BCAS3: variants seen among roughly 807,000 people sequenced by gnomAD.
BCAS3 encodes BCAS4/BCAS3 fusion.
In BCAS3, 53 loss-of-function variants were observed where a neutral mutation model predicts 116.1. That is an observed-to-expected ratio of 0.46 (90% CI 0.37 to 0.57). The LOEUF (loss-of-function observed/expected upper bound fraction) is 0.57. Ranked by LOEUF, BCAS3 falls within the 20% of genes least tolerant of loss-of-function variation. The probability of loss-of-function intolerance (pLI) is 0.00; values close to 1 mark genes in which losing one functional copy is unlikely to be tolerated. For missense variants in BCAS3, 917 were observed against 1,165.4 expected, an observed-to-expected ratio of 0.79 and a Z score of 3.10; for synonymous variants, 391 against 408.2, an observed-to-expected ratio of 0.96 and a Z score of 0.51.
intron 22 of BCAS3, among the ~76,000 whole-genome samples, chr17:61,272,636 CAAAAAAAAAA>C (rs373837874): frequency 0.094 from 4,446 of 47,142 alleles, 62 homozygotes; most frequent in South Asian, 0.19. Context: ...AACCCTGTCT[CAAAAAAAAAA>C]AAAAAAAAAA....
intron 14 of BCAS3, among the ~76,000 whole-genome samples, chr17:60,972,035 C>A (rs1416158270): frequency 2.0e-5 from 3 of 152,204 alleles, no homozygotes; most frequent in Non-Finnish European, 4.4e-5. Flanking sequence ...ACATTTTACT[C>A]TTGGAATCCT....
chr17:61,290,446 A>G (rs1302158443), intron 22 of BCAS3, among the ~76,000 whole-genome samples: 1 of 152,236 alleles, frequency 6.6e-6, no homozygotes, highest in Admixed American at 6.5e-5. Flanking sequence ...TATGTTTAAG[A>G]TGTTCATAAT....
intron 6 of BCAS3, among the ~76,000 whole-genome samples, chr17:60,782,420 A>T (rs180689056): frequency 5.9e-5 from 9 of 152,140 alleles, no homozygotes; most frequent in Non-Finnish European, 1.3e-4. Flanking sequence ...CAGAATGTAG[A>T]TTACAAACCA....
At chr17:60,919,685 TA>T (rs1410454482) in intron 12 of BCAS3, among the ~76,000 whole-genome samples, 29 of 151,568 alleles carry the variant, frequency 1.9e-4, no homozygotes, top group African/African-American at 6.5e-4. Flanking sequence ...TTTTTTTTTT[TA>T]AAATAATGAC....
rs375190923 is a variant in BCAS3, at chr17:60,697,053, G to A, written c.214+7292G>A. ...AAATATTAAAAAATTAGCTGGGTAT[G>A]GTGGTATGTCCCTGTAGTCCTACCT... On this transcript the variant is annotated intron_variant, in intron 4 of 23. Transcript: ENST00000407086. Among the ~76,000 whole-genome samples the A allele has an allele frequency of 5.9e-5, 9 of 151,744 alleles. 1 individual carries two copies. The highest frequency in any genetic ancestry group is 5.3e-4 in the Admixed American group (8 of 15,194).
rs564210073 is a variant in BCAS3 at position 61,337,902 on chromosome 17, C to A, written c.2426-30425C>A. 6.6e-6 allele frequency among the ~76,000 whole-genome samples: 1 copy of A among 152,252 alleles called. No individual in the cohort carries two copies. The highest frequency in any genetic ancestry group is 2.4e-5 in the African/African-American group (1 of 41,540). Reference sequence around the variant, plus strand: ...CTATCCCATTTTATAGTTGAGGAAACCAAGGCTCGGTGAGGTAAAGCGCTT... The same window carrying A: ...CTATCCCATTTTATAGTTGAGGAAAACAAGGCTCGGTGAGGTAAAGCGCTT... On this transcript the variant is annotated intron_variant, in intron 22 of 23. Coordinates refer to ENST00000407086, the MANE Select transcript of BCAS3 (RefSeq NM_017679.5). This position sits in a 1 kb window ranked among gnomAD's most constrained non-coding sequence, Gnocchi z 4.8.
At position 61,265,774 on chromosome 17, in the gene BCAS3, A is replaced by G. The variant is rs2049644837; in HGVS notation, c.2426-102553A>G. 6.6e-6 allele frequency among the ~76,000 whole-genome samples: 1 copy of G among 152,164 alleles called. No homozygotes were observed. Among genetic ancestry groups the G allele is most frequent in the Non-Finnish European group, 1.5e-5 (1 of 68,032 alleles). On this transcript the variant is annotated intron_variant, in intron 22 of 23. Coordinates refer to ENST00000407086, the MANE Select transcript of BCAS3 (RefSeq NM_017679.5). The surrounding 1 kb of genome is among the most constrained non-coding windows in gnomAD (Gnocchi z 4.3). ...CTGGACTCTGTATAGCAAAGATTTAATGACCATGGACCTTACCTTTGTTCT... is the reference window on the plus strand; with the variant it reads ...CTGGACTCTGTATAGCAAAGATTTAGTGACCATGGACCTTACCTTTGTTCT...
chr17:61,074,227 AAAAAAAAGAAG>A (rs1306525879), intron 19 of BCAS3, among the ~76,000 whole-genome samples: 1 of 151,980 alleles, frequency 6.6e-6, no homozygotes, highest in Non-Finnish European at 1.5e-5. Flanking sequence ...TGCTGTTAAA[AAAAAAAAGAAG>A]AAAAAAAGAA....
intron 22 of BCAS3, among the ~76,000 whole-genome samples, chr17:61,193,811 T>C (rs1266571482): frequency 7.9e-6 from 1 of 126,636 alleles, no homozygotes; most frequent in African/African-American, 3.1e-5. Flanking sequence ...AACCTAGTCA[T>C]ATTCTGCTTA....
In BCAS3 at chr17:61,380,355, T is replaced by C. The variant is rs575448535; in HGVS notation, c.2594-11622T>C. ...GAAATCTGTAAAACCCTAGATGTGC[T>C]GTGCCTGGGAACAGACCATGAACAC... On this transcript the variant is annotated intron_variant, in intron 23 of 23. Coordinates refer to ENST00000407086, the MANE Select transcript of BCAS3 (RefSeq NM_017679.5). This position sits in a 1 kb window ranked among gnomAD's most constrained non-coding sequence, Gnocchi z 4.2. 4 of 672,488 alleles carry C rather than the reference T, an allele frequency of 5.9e-6. No individual in the cohort carries two copies. The South Asian group carries it at 6.9e-5, about 12-fold the overall frequency. 41.7% of individuals were successfully genotyped at this position (672,488 alleles called of 1,614,324 possible).
intron 22 of BCAS3, among the ~76,000 whole-genome samples, chr17:61,246,280 A>G (rs543320991): frequency 1.3e-5 from 2 of 152,080 alleles, no homozygotes; most frequent in Non-Finnish European, 2.9e-5. Context: ...CAGGAGTTCA[A>G]GACCAGCCTG....
chr17:61,210,503 G>T (rs193155742), intron 22 of BCAS3, among the ~76,000 whole-genome samples: 18 of 152,280 alleles, frequency 1.2e-4, no homozygotes, highest in Non-Finnish European at 7.4e-5. Context: ...AAGAAGTAAG[G>T]GTTCTGAATT....
chr17:61,270,674 G>A (rs2050164438), intron 22 of BCAS3, among the ~76,000 whole-genome samples: 1 of 152,132 alleles, frequency 6.6e-6, no homozygotes. Context: ...AAATCCAAAT[G>A]TAATGAAACT....
chr17:60,965,630 T>A (rs2061620263), intron 14 of BCAS3, among the ~76,000 whole-genome samples: 2 of 152,218 alleles, frequency 1.3e-5, no homozygotes, highest in African/African-American at 2.4e-5. Flanking sequence ...GCATGTTTTT[T>A]AATTTCTATG....
intron 22 of BCAS3, among the ~76,000 whole-genome samples, chr17:61,223,429 G>A (rs1434538069): frequency 1.3e-5 from 2 of 152,154 alleles, no homozygotes; most frequent in East Asian, 1.9e-4. Context: ...AAAGTGCTGG[G>A]CTTACAGGTG....
intron 22 of BCAS3, among the ~76,000 whole-genome samples, chr17:61,150,271 CTT>C (rs1486449713): frequency 2.6e-5 from 4 of 152,198 alleles, no homozygotes; most frequent in African/African-American, 9.7e-5. Flanking sequence ...CATTCCCACT[CTT>C]TAGGGCCATG....
At chr17:60,762,094 G>A (rs111843855) in intron 6 of BCAS3, among the ~76,000 whole-genome samples, 41,602 of 151,878 alleles carry the variant, frequency 0.27, 11,401 homozygotes, top group African/African-American at 0.71. Context: ...TTCTTTGTAG[G>A]TTCTAGATAT....
At chr17:60,762,848 A>G (rs1446985933) in intron 6 of BCAS3, among the ~76,000 whole-genome samples, 4 of 151,668 alleles carry the variant, frequency 2.6e-5, no homozygotes, top group Non-Finnish European at 4.4e-5. Context: ...ATGTTCTTCC[A>G]TTTGTTTGTA....
At chr17:60,871,800 T>C (rs2055129945) in intron 8 of BCAS3, among the ~76,000 whole-genome samples, 1 of 152,116 alleles carries the variant, frequency 6.6e-6, no homozygotes, top group Non-Finnish European at 1.5e-5. Flanking sequence ...TGCAGCTATG[T>C]TCATGAGGGA....
Sources: allele counts gnomAD v4.1 joint callset (sites outside exome capture counted in the v4.1 genomes callset), GRCh38; gene constraint gnomAD v4.1.1; non-coding constraint Gnocchi (gnomAD v3.1); transcripts MANE v1.5; gene names NCBI Gene and HGNC (gene_info 2026-07-23, HGNC 2026-07-21).